DTNA: variants seen among roughly 807,000 people sequenced by gnomAD.
The protein encoded by DTNA is dystrobrevin alpha.
In DTNA, 43 loss-of-function variants were observed where a neutral mutation model predicts 100.7. That is an observed-to-expected ratio of 0.43 (90% CI 0.33 to 0.55). The LOEUF (loss-of-function observed/expected upper bound fraction) is 0.55. Among genes scored for constraint, DTNA ranks in the 20% least tolerant of loss-of-function variants. DTNA has a pLI of 0.04. For synonymous variants in DTNA, 349 were observed against 347.9 expected (o/e 1.00, Z -0.04); for missense variants, 798 against 953.9 (o/e 0.84, Z 2.15).
In DTNA at chr18:34,863,950, G is replaced by C; in HGVS notation, c.1647-16G>C. On this transcript the variant is annotated splice_polypyrimidine_tract_variant and intron_variant, in intron 16 of 22. Transcript: ENST00000444659. Reference sequence around the variant, plus strand: ...GAGTTGCATGCCGCTTCTGATGTCAGCTGCTTCTTTCTTAGACAGCGCAAA... The same window carrying C: ...GAGTTGCATGCCGCTTCTGATGTCACCTGCTTCTTTCTTAGACAGCGCAAA... The C allele has an allele frequency of 6.2e-7, 1 of 1,601,818 alleles. No individual in the cohort carries two copies. The highest frequency in any genetic ancestry group is 1.1e-5 in the South Asian group (1 of 89,236).
At chr18:34,746,184 T>TGG (rs34514978) in intron 1 of DTNA, among the ~76,000 whole-genome samples, 8 of 149,988 alleles carry the variant, frequency 5.3e-5, no homozygotes, top group African/African-American at 9.8e-5. Context: ...TCTTCTAATT[T>TGG]GGGGGGGGGA....
At chr18:34,709,064 G>T (rs573353959), upstream of DTNA, among the ~76,000 whole-genome samples, 1 of 152,108 alleles carries the variant, frequency 6.6e-6, no homozygotes, top group African/African-American at 2.4e-5. Flanking sequence ...GAAAAATTCT[G>T]TGCAGATCTC....
At chr18:34,808,621 A>G (rs1027257571) in intron 5 of DTNA, among the ~76,000 whole-genome samples, 2 of 152,194 alleles carry the variant, frequency 1.3e-5, no homozygotes, top group Non-Finnish European at 2.9e-5. Flanking sequence ...AGTTCAAAAT[A>G]TAACTAAGTT....
intron 4 of DTNA, 109 bp downstream of exon 4, chr18:34,794,359 TCTC>T: frequency 8.4e-7 from 1 of 1,191,216 alleles, no homozygotes; most frequent in Non-Finnish European, 1.2e-6. Flanking sequence ...TTTTTTTTAC[TCTC>T]TTTTTTCTTA....
At chr18:34,810,976 C>T (rs1255267853) in intron 5 of DTNA, among the ~76,000 whole-genome samples, 1 of 152,278 alleles carries the variant, frequency 6.6e-6, no homozygotes. Context: ...ATATGCTTAA[C>T]ATCTGACTTT....
At chr18:34,871,267 T>C (rs2096762883) in intron 17 of DTNA, among the ~76,000 whole-genome samples, 1 of 152,168 alleles carries the variant, frequency 6.6e-6, no homozygotes, top group Non-Finnish European at 1.5e-5. Flanking sequence ...CTGGAAAATA[T>C]CAGAAAATGT....
At chr18:34,746,876 C>T (rs16965858) in intron 1 of DTNA, among the ~76,000 whole-genome samples, 5,009 of 152,146 alleles carry the variant, frequency 0.033, 258 homozygotes, top group African/African-American at 0.11. Context: ...GCAGAAGTAC[C>T]TAGCCTCTTA....
rs765776907 is a variant in DTNA at position 34,827,553 on chromosome 18, A to G, written c.1002-40A>G. 3.8e-6 allele frequency: 6 copies of G among 1,597,550 alleles called. No individual in the cohort carries two copies. In the East Asian group the frequency reaches 1.3e-4, roughly 36 times the overall value. On this transcript the variant is annotated intron_variant, in intron 9 of 22. Transcript: ENST00000444659. ...GGAGAGTTTTAAATTTGTGACTTTT[A>G]TTTGTTTTAACTTTCCATTCACCCT...
chr18:34,852,979 G>A (rs1476811106), intron 15 of DTNA, among the ~76,000 whole-genome samples: 3 of 152,082 alleles, frequency 2.0e-5, no homozygotes, highest in South Asian at 2.1e-4. Flanking sequence ...GGACTGAAAC[G>A]GAAGTTCTTT....
At chr18:34,708,953 A>G (rs1288910692), upstream of DTNA, among the ~76,000 whole-genome samples, 2 of 152,204 alleles carry the variant, frequency 1.3e-5, no homozygotes, top group Non-Finnish European at 2.9e-5. Flanking sequence ...CAAAAGTAGT[A>G]TGGGCTAGAG....
intron 1 of DTNA, among the ~76,000 whole-genome samples, chr18:34,644,129 TCACCAGATCGTGGCC>T (rs1277707915): frequency 1.3e-5 from 2 of 152,148 alleles, no homozygotes; most frequent in African/African-American, 4.8e-5. Context: ...CAAGCTTCCC[TCACCAGATCGTGGCC>T]CACTTATATC....
At chr18:34,570,334 A>G (rs1370826523) in intron 1 of DTNA, among the ~76,000 whole-genome samples, 2 of 152,232 alleles carry the variant, frequency 1.3e-5, no homozygotes, top group Non-Finnish European at 1.5e-5. Context: ...TATCAGTTTT[A>G]CTACTCTCTG....
At chr18:34,778,130 C>G (rs1437971067) in intron 3 of DTNA, among the ~76,000 whole-genome samples, 3 of 152,042 alleles carry the variant, frequency 2.0e-5, no homozygotes, top group African/African-American at 7.2e-5. Flanking sequence ...TTTTCTTTTC[C>G]TAAGTTATTT....
At chr18:34,659,243 G>A (rs2074824581) in intron 1 of DTNA, among the ~76,000 whole-genome samples, 1 of 151,954 alleles carries the variant, frequency 6.6e-6, no homozygotes, top group South Asian at 2.1e-4. Flanking sequence ...AAAAGAAACA[G>A]GTGAAATTAA....
intron 3 of DTNA, among the ~76,000 whole-genome samples, chr18:34,793,757 A>G (rs1002462049): frequency 1.3e-5 from 2 of 152,112 alleles, no homozygotes; most frequent in Admixed American, 1.3e-4. Flanking sequence ...CAGTTATCTT[A>G]TGTGTAACAC....
At chr18:34,590,545 G>A (rs1223768537) in intron 1 of DTNA, among the ~76,000 whole-genome samples, 1 of 152,188 alleles carries the variant, frequency 6.6e-6, no homozygotes, top group African/African-American at 2.4e-5. Flanking sequence ...GATCAGCTAA[G>A]GCCTGTGTTT....
chr18:34,647,857 T>C (rs1159902333), intron 1 of DTNA, among the ~76,000 whole-genome samples: 1 of 152,194 alleles, frequency 6.6e-6, no homozygotes, highest in African/African-American at 2.4e-5. Context: ...TAGTGCACAG[T>C]AGGTGCTCAG....
At chr18:34,530,420 A>G (rs963698172) in intron 1 of DTNA, among the ~76,000 whole-genome samples, 1 of 152,042 alleles carries the variant, frequency 6.6e-6, no homozygotes, top group African/African-American at 2.4e-5. Context: ...TTCTGAAATC[A>G]TGAGCTTATG....
At chr18:34,516,563 A>G (rs2041641120) in intron 1 of DTNA, among the ~76,000 whole-genome samples, 1 of 152,102 alleles carries the variant, frequency 6.6e-6, no homozygotes, top group African/African-American at 2.4e-5. Flanking sequence ...CTACAACCAT[A>G]TAAGACAGAC....
Sources: gnomAD v4.1 joint callset for allele counts (sites outside exome capture counted in the v4.1 genomes callset) on GRCh38, gnomAD v4.1.1 for gene constraint, MANE v1.5 for transcripts, NCBI Gene and HGNC (gene_info 2026-07-23, HGNC 2026-07-21) for gene names.